The following RARB variants were observed in gnomAD, a reference collection of about 807,000 sequenced individuals.
RARB encodes the protein retinoic acid receptor beta, also known as HBV-activated protein.
In RARB, 17 loss-of-function variants were observed where a neutral mutation model predicts 51.9. The ratio of observed to expected loss-of-function variants is 0.33; its 90% CI spans 0.22 to 0.49. The LOEUF (loss-of-function observed/expected upper bound fraction) is 0.49, where lower values mean the gene tolerates loss of function less well. Ranked by LOEUF, RARB falls within the 20% of genes least tolerant of loss-of-function variation. The probability of loss-of-function intolerance (pLI) is 0.99; values close to 1 mark genes in which losing one functional copy is unlikely to be tolerated. For synonymous variants in RARB, 215 were observed against 195.4 expected, an observed-to-expected ratio of 1.10 and a Z score of -0.84; for missense variants, 369 against 550.8, an observed-to-expected ratio of 0.67 and a Z score of 3.30.
At chr3:24,903,724 C>T (rs6550926) in intron 2 of RARB, among the ~76,000 whole-genome samples, 117,466 of 152,042 alleles carry the variant, frequency 0.77, 45,810 homozygotes, top group African/African-American at 0.86. Flanking sequence ...CTGATAAATA[C>T]TGACATCAGG....
chr3:25,550,913 A>G (rs1299438857), intron 3 of RARB, among the ~76,000 whole-genome samples: 1 of 152,178 alleles, frequency 6.6e-6, no homozygotes, highest in African/African-American at 2.4e-5. Context: ...TGCAAAGGAC[A>G]TGATCTCGTT....
At chr3:25,453,982 A>T (rs1158638028) in intron 1 of RARB, among the ~76,000 whole-genome samples, 1 of 152,212 alleles carries the variant, frequency 6.6e-6, no homozygotes, top group East Asian at 1.9e-4. Flanking sequence ...CTAATTCAGG[A>T]TGCGATTCAC....
intron 5 of RARB, among the ~76,000 whole-genome samples, chr3:25,198,976 A>G (rs1433738346): frequency 1.3e-5 from 2 of 152,214 alleles, no homozygotes; most frequent in Non-Finnish European, 2.9e-5. Flanking sequence ...GGTATATTGA[A>G]GAGATATCTG....
intron 5 of RARB, among the ~76,000 whole-genome samples, chr3:25,349,880 T>C (rs1404824543): frequency 2.0e-5 from 3 of 152,150 alleles, no homozygotes; most frequent in African/African-American, 7.2e-5. Context: ...TAGGGTCAGC[T>C]AGGGTGGCTC....
At chr3:24,962,957 A>T (rs1324288932) in intron 2 of RARB, among the ~76,000 whole-genome samples, 1 of 152,180 alleles carries the variant, frequency 6.6e-6, no homozygotes. Flanking sequence ...AATTTGCCGA[A>T]GTCACCCATC....
intron 2 of RARB, among the ~76,000 whole-genome samples, chr3:24,957,987 C>T (rs1696054177): frequency 6.6e-6 from 1 of 152,096 alleles, no homozygotes; most frequent in African/African-American, 2.4e-5. Context: ...TTTTTCTTAG[C>T]ATAATTTAAT....
intron 2 of RARB, among the ~76,000 whole-genome samples, chr3:24,915,018 T>C (rs1695075866): frequency 6.6e-6 from 1 of 152,222 alleles, no homozygotes; most frequent in South Asian, 2.1e-4. Flanking sequence ...TTGTTTGTCT[T>C]TGAAAGCTGA....
chr3:25,287,354 G>A (rs886385311), intron 5 of RARB, among the ~76,000 whole-genome samples: 3 of 152,270 alleles, frequency 2.0e-5, no homozygotes, highest in East Asian at 1.9e-4. Context: ...ATACAAGGGA[G>A]AGAAAGAAGC....
intron 2 of RARB, among the ~76,000 whole-genome samples, chr3:24,947,743 A>G (rs952722869): frequency 4.6e-5 from 7 of 152,228 alleles, no homozygotes; most frequent in African/African-American, 1.7e-4. Flanking sequence ...GGAGGAACTC[A>G]GGTAAGGATA....
intron 2 of RARB, among the ~76,000 whole-genome samples, chr3:24,997,382 C>CTT (rs548388172): frequency 1.4e-5 from 2 of 141,872 alleles, no homozygotes; most frequent in African/African-American, 5.2e-5. Flanking sequence ...CAAGTTGGGT[C>CTT]TTTTTTTTTT....
chr3:25,558,548 T>TA (rs1491453857), intron 3 of RARB, among the ~76,000 whole-genome samples: 2 of 105,438 alleles, frequency 1.9e-5, no homozygotes, highest in Non-Finnish European at 3.8e-5. Context: ...TTTTTTTTTT[T>TA]ATCTTTCCTC....
intron 3 of RARB, among the ~76,000 whole-genome samples, chr3:25,108,581 T>C (rs895642308): frequency 1.1e-4 from 17 of 151,704 alleles, no homozygotes; most frequent in African/African-American, 3.9e-4. Flanking sequence ...TGGTCACATC[T>C]AACTGCCAGG....
intron 2 of RARB, among the ~76,000 whole-genome samples, chr3:24,988,174 T>C (rs1218581765): frequency 6.6e-6 from 1 of 152,216 alleles, no homozygotes; most frequent in African/African-American, 2.4e-5. Flanking sequence ...ACAGTTACCA[T>C]GCATTTATCT....
chr3:25,169,322 A>G (rs1480332409), intron 4 of RARB, among the ~76,000 whole-genome samples: 2 of 152,252 alleles, frequency 1.3e-5, no homozygotes, highest in Non-Finnish European at 2.9e-5. Flanking sequence ...TGTGGCTAGG[A>G]AAGAAGCCAA....
chr3:25,333,830 A>G (rs1223861068), intron 5 of RARB, among the ~76,000 whole-genome samples: 1 of 152,344 alleles, frequency 6.6e-6, no homozygotes, highest in Middle Eastern at 3.4e-3. Flanking sequence ...CGGATTTACA[A>G]GAAAAAATGA....
chr3:25,134,954 T>G (rs1449460595), intron 4 of RARB, among the ~76,000 whole-genome samples: 1 of 151,998 alleles, frequency 6.6e-6, no homozygotes, highest in Non-Finnish European at 1.5e-5. Context: ...ATATGAAGAT[T>G]AAACGCTACT....
intron 2 of RARB, among the ~76,000 whole-genome samples, chr3:25,494,271 A>ACACACACACACACG (rs1559433148): frequency 1.2e-5 from 1 of 86,638 alleles, no homozygotes; most frequent in African/African-American, 5.2e-5. Flanking sequence ...ACACACACAC[A>ACACACACACACACG]CACACACATG....
chr3:25,504,271 C>G (rs1046157144), intron 3 of RARB, among the ~76,000 whole-genome samples: 4 of 152,126 alleles, frequency 2.6e-5, no homozygotes, highest in Non-Finnish European at 5.9e-5. Flanking sequence ...AAGATTTTCC[C>G]CATGTCTAAC....
chr3:25,241,969 A>G (rs1702442159), intron 5 of RARB, among the ~76,000 whole-genome samples: 1 of 152,180 alleles, frequency 6.6e-6, no homozygotes, highest in African/African-American at 2.4e-5. Flanking sequence ...CCTCTCCAGC[A>G]TCTGTTGTTT....
Sources: gnomAD v4.1 joint callset for allele counts (sites outside exome capture counted in the v4.1 genomes callset) on GRCh38, gnomAD v4.1.1 for gene constraint, MANE v1.5 for transcripts, NCBI Gene and HGNC (gene_info 2026-07-23, HGNC 2026-07-21) for gene names.